The following RMST variants were observed in gnomAD, a reference collection of about 807,000 sequenced individuals.
The protein encoded by RMST is long intergenic non-protein coding RNA 54.
intron 5 of RMST, chr12:97,492,097 G>A (rs1876905062): frequency 4.8e-6 from 2 of 416,782 alleles, no homozygotes; most frequent in Admixed American, 2.3e-5. Flanking sequence ...AGTGAAACAA[G>A]AGCTTAAATT....
intron 11 of RMST, chr12:97,532,855 G>A (rs569414533): frequency 6.6e-6 from 1 of 151,810 alleles, no homozygotes; most frequent in Admixed American, 6.6e-5. Context: ...TGGGGCTGTA[G>A]CAATTTTATT....
intron 10 of RMST, among the ~76,000 whole-genome samples, chr12:97,509,732 C>CTGGA (rs1347144665): frequency 6.6e-5 from 10 of 152,180 alleles, no homozygotes; most frequent in African/African-American, 2.4e-4. Context: ...TACAGGAGCC[C>CTGGA]TGGATTGATG....
At chr12:97,547,054 T>G (rs1882989039) in intron 11 of RMST, among the ~76,000 whole-genome samples, 1 of 151,916 alleles carries the variant, frequency 6.6e-6, no homozygotes, top group South Asian at 2.1e-4. Context: ...AGTGTTTGTC[T>G]TTCTGTGCCT....
exon 14 of RMST, chr12:97,564,481 C>T (rs1884386454): frequency 6.6e-6 from 1 of 152,646 alleles, no homozygotes; most frequent in African/African-American, 2.4e-5. Context: ...ATCTCTCTGC[C>T]GCTTCAACTA....
At chr12:97,554,643 A>C (rs1375654182) in intron 11 of RMST, among the ~76,000 whole-genome samples, 2 of 152,032 alleles carry the variant, frequency 1.3e-5, no homozygotes, top group Non-Finnish European at 2.9e-5. Context: ...AGAAATAAAA[A>C]GTCAATTAAA....
Position 97,559,623 on chromosome 12 carries a change from T to C in RMST, n.1546-914T>C, listed in dbSNP as rs182001661. ...TTAAACCAACGTCCAGTTTCTAGAC[T>C]GCCTTTAGATATTATTAGGAACTCA... On this transcript the variant is annotated intron_variant and non_coding_transcript_variant, in intron 11 of 13. Coordinates refer to ENST00000640149, the Ensembl canonical transcript of RMST. Among the ~76,000 whole-genome samples the C allele has an allele frequency of 1.3e-3, 191 of 152,348 alleles. 1 individual carries two copies. The highest frequency in any genetic ancestry group is 4.4e-3 in the African/African-American group (183 of 41,590).
At chr12:97,466,785 T>C (rs1371603959) in intron 5 of RMST, among the ~76,000 whole-genome samples, 1 of 152,130 alleles carries the variant, frequency 6.6e-6, no homozygotes, top group Non-Finnish European at 1.5e-5. Flanking sequence ...TGGTAATTGT[T>C]TCTTGTATAG....
At chr12:97,554,132 T>C (rs1461965224) in intron 11 of RMST, among the ~76,000 whole-genome samples, 5 of 151,942 alleles carry the variant, frequency 3.3e-5, no homozygotes, top group African/African-American at 1.2e-4. Context: ...TTTTGTATTT[T>C]GAGTAGAGAC....
intron 7 of RMST, chr12:97,493,751 AGCTAATTTGT>A (rs1200074459): frequency 1.3e-5 from 2 of 152,230 alleles, no homozygotes; most frequent in Non-Finnish European, 2.9e-5. Flanking sequence ...GTATTTTTCC[AGCTAATTTGT>A]GCTATAATTT....
At chr12:97,544,885 C>T (rs1165588842) in intron 11 of RMST, among the ~76,000 whole-genome samples, 1 of 151,954 alleles carries the variant, frequency 6.6e-6, no homozygotes, top group Admixed American at 6.6e-5. Context: ...TCAATTTCTG[C>T]CCCCACTAAC....
At chr12:97,524,075 C>CAAAAAAAAAAAAAAAAAAAAAAAAAAAA (rs537840796) in intron 10 of RMST, among the ~76,000 whole-genome samples, 6 of 56,130 alleles carry the variant, frequency 1.1e-4, no homozygotes, top group Non-Finnish European at 1.6e-4. Context: ...GACTCTGTCT[C>CAAAAAAAAAAAAAAAAAAAAAAAAAAAA]AAAAAAAAAA....
intron 5 of RMST, chr12:97,492,424 G>A (rs1339570208): frequency 6.4e-6 from 1 of 156,200 alleles, no homozygotes; most frequent in African/African-American, 2.4e-5. Context: ...TTGTTTGCTT[G>A]TTGTTTTTTT....
At chr12:97,549,421 G>A (rs1883166609) in intron 11 of RMST, among the ~76,000 whole-genome samples, 1 of 152,294 alleles carries the variant, frequency 6.6e-6, no homozygotes. Context: ...ATTTACTGGG[G>A]TATGTCTTTC....
At chr12:97,512,582 T>G (rs1333736076) in intron 10 of RMST, among the ~76,000 whole-genome samples, 1 of 152,320 alleles carries the variant, frequency 6.6e-6, no homozygotes, top group East Asian at 1.9e-4. Flanking sequence ...TCACAAACCC[T>G]GGGCTAGGCA....
rs576168759 is a variant in RMST, at chr12:97,472,491, T to C, written n.644+6764T>C. 3.3e-5 allele frequency among the ~76,000 whole-genome samples: 5 copies of C among 152,290 alleles called. No homozygotes were observed. The East Asian group carries it at 9.7e-4, about 29-fold the overall frequency. ...AAGATCCGAATCCAGAGTCAAGTAG[T>C]CCTCACTTGAATCCTGCTGATTCAG... On this transcript the variant is annotated intron_variant and non_coding_transcript_variant, in intron 5 of 13. Transcript: ENST00000640149.
chr12:97,498,581 C>G (rs1877725286), intron 10 of RMST, among the ~76,000 whole-genome samples: 1 of 135,070 alleles, frequency 7.4e-6, no homozygotes, highest in Non-Finnish European at 1.6e-5. Flanking sequence ...TACAATTTTT[C>G]TGTGTAATGC....
intron 4 of RMST, among the ~76,000 whole-genome samples, chr12:97,465,290 G>A (rs1873050939): frequency 2.0e-5 from 3 of 152,186 alleles, no homozygotes; most frequent in Admixed American, 2.0e-4. Flanking sequence ...GTCGCAGGCT[G>A]GTTCTTTGGG....
At chr12:97,468,752 A>G (rs1000242676) in intron 5 of RMST, among the ~76,000 whole-genome samples, 1 of 152,050 alleles carries the variant, frequency 6.6e-6, no homozygotes, top group Non-Finnish European at 1.5e-5. Flanking sequence ...AAATATTTAA[A>G]GAAGAATTCA....
chr12:97,521,047 G>T (rs1370105578), intron 10 of RMST, among the ~76,000 whole-genome samples: 1 of 152,146 alleles, frequency 6.6e-6, no homozygotes, highest in African/African-American at 2.4e-5. Flanking sequence ...ACATTCTTAT[G>T]TGAGGTGGGA....
Sources: allele counts gnomAD v4.1 joint callset (sites outside exome capture counted in the v4.1 genomes callset), GRCh38; gene constraint gnomAD v4.1.1; transcripts MANE v1.5; gene names NCBI Gene and HGNC (gene_info 2026-07-23, HGNC 2026-07-21).